PTPRR: variants seen among roughly 807,000 people sequenced by gnomAD.
PTPRR encodes the protein protein tyrosine phosphatase receptor type R.
Under a neutral mutation model 77.2 loss-of-function variants are expected in PTPRR, and 38 were observed. The observed-to-expected ratio is 0.49, with a 90% confidence interval of 0.38 to 0.65. The LOEUF is 0.65. Among genes scored for constraint, PTPRR ranks in the 30% least tolerant of loss-of-function variants. The pLI, the probability that PTPRR is intolerant of heterozygous loss-of-function variation, is 0.00. For synonymous variants in PTPRR, 299 were observed against 283.1 expected (o/e 1.06, Z -0.57); for missense variants, 744 against 799.2 (o/e 0.93, Z 0.83).
intron 2 of PTPRR, among the ~76,000 whole-genome samples, chr12:70,792,362 C>T (rs1430180960): frequency 6.6e-6 from 1 of 151,982 alleles, no homozygotes; most frequent in Non-Finnish European, 1.5e-5. Context: ...GCCTTCTTAC[C>T]CCATATTTAA....
At chr12:70,917,926 T>C (rs1260338193) in intron 1 of PTPRR, among the ~76,000 whole-genome samples, 1 of 152,168 alleles carries the variant, frequency 6.6e-6, no homozygotes, top group Non-Finnish European at 1.5e-5. Context: ...CCAAAATGGA[T>C]CAATTAGCTT....
At chr12:70,899,305 A>G (rs1446543061) in intron 1 of PTPRR, among the ~76,000 whole-genome samples, 1 of 151,406 alleles carries the variant, frequency 6.6e-6, no homozygotes, top group Admixed American at 6.6e-5. Context: ...CATGAACACA[A>G]ATGTAAAAGT....
At chr12:70,725,076 C>T (rs1425833083) in intron 6 of PTPRR, among the ~76,000 whole-genome samples, 1 of 151,904 alleles carries the variant, frequency 6.6e-6, no homozygotes, top group African/African-American at 2.4e-5. Context: ...TTGAGTGCAC[C>T]CTGCCCCGGT....
chr12:70,857,422 G>A (rs865829375), intron 2 of PTPRR, among the ~76,000 whole-genome samples: 6 of 152,178 alleles, frequency 3.9e-5, no homozygotes, highest in African/African-American at 1.4e-4. Context: ...AATCCATACT[G>A]TAGTGGATTA....
intron 10 of PTPRR, chr12:70,671,944 G>T (rs1887242308): frequency 1.9e-6 from 2 of 1,052,722 alleles, no homozygotes; most frequent in East Asian, 2.4e-5. Flanking sequence ...GAAGAAGGTT[G>T]CTCACAGCTC....
intron 2 of PTPRR, among the ~76,000 whole-genome samples, chr12:70,886,362 C>T (rs909404282): frequency 6.6e-6 from 1 of 152,104 alleles, no homozygotes; most frequent in African/African-American, 2.4e-5. Context: ...TAATAGGAAG[C>T]ATTAACATTA....
At chr12:70,816,495 AC>A (rs775338234) in intron 2 of PTPRR, among the ~76,000 whole-genome samples, 10 of 152,134 alleles carry the variant, frequency 6.6e-5, no homozygotes, top group Non-Finnish European at 8.8e-5. Flanking sequence ...GTGAAAAAAA[AC>A]ATTCAAAATT....
At chr12:70,903,341 A>G (rs1333740332) in intron 1 of PTPRR, among the ~76,000 whole-genome samples, 1 of 151,874 alleles carries the variant, frequency 6.6e-6, no homozygotes, top group African/African-American at 2.4e-5. Context: ...ATCTATATAA[A>G]AACATCACAT....
chr12:70,764,491 C>T (rs954290756), intron 3 of PTPRR, among the ~76,000 whole-genome samples, 174 bp downstream of exon 3: 7 of 152,148 alleles, frequency 4.6e-5, no homozygotes, highest in African/African-American at 1.7e-4. Context: ...CAAAAGGCAT[C>T]ATGGGCAATG....
chr12:70,888,422 C>T (rs1006913548), intron 2 of PTPRR, among the ~76,000 whole-genome samples: 3 of 152,248 alleles, frequency 2.0e-5, no homozygotes, highest in African/African-American at 7.2e-5. Context: ...TCTATGATTT[C>T]TACTTTTCCA....
At chr12:70,769,857 A>C (rs951432890) in intron 2 of PTPRR, among the ~76,000 whole-genome samples, 1 of 152,094 alleles carries the variant, frequency 6.6e-6, no homozygotes, top group Admixed American at 6.5e-5. Flanking sequence ...ATAACGCCGC[A>C]TATCTACAAC....
chr12:70,821,477 G>A (rs528950811), intron 2 of PTPRR, among the ~76,000 whole-genome samples: 63 of 151,534 alleles, frequency 4.2e-4, no homozygotes, highest in Admixed American at 2.5e-3. Context: ...TGCCCACTCC[G>A]GCCTCTCAAA....
chr12:70,683,395 AT>A (rs966627741), intron 10 of PTPRR, among the ~76,000 whole-genome samples: 3 of 152,330 alleles, frequency 2.0e-5, no homozygotes, highest in Admixed American at 2.0e-4. Flanking sequence ...TGCAAGCTAA[AT>A]CCTTAGAAAA....
chr12:70,871,694 T>C (rs925399260), intron 2 of PTPRR, among the ~76,000 whole-genome samples: 1 of 152,196 alleles, frequency 6.6e-6, no homozygotes, highest in African/African-American at 2.4e-5. Flanking sequence ...TACCATCACA[T>C]GATACTCCAG....
intron 6 of PTPRR, among the ~76,000 whole-genome samples, chr12:70,738,280 AG>A (rs1300692668): frequency 2.0e-5 from 3 of 152,188 alleles, no homozygotes; most frequent in African/African-American, 7.2e-5. Context: ...GCTGAAGAAA[AG>A]TTAGTGAATG....
At chr12:70,684,670 G>A (rs1887793870) in intron 9 of PTPRR, 34 bp downstream of exon 9, 3 of 1,393,102 alleles carry the variant, frequency 2.2e-6, no homozygotes, top group South Asian at 1.3e-5. Flanking sequence ...CAAATAGGAA[G>A]TCACCAGAAA....
At chr12:70,653,755 A>G (rs1343373975) in intron 13 of PTPRR, among the ~76,000 whole-genome samples, 2 of 152,204 alleles carry the variant, frequency 1.3e-5, no homozygotes, top group African/African-American at 4.8e-5. Context: ...CCAAATGAGA[A>G]AACTGAGGCA....
chr12:70,916,260 A>C (rs998416421), intron 1 of PTPRR, among the ~76,000 whole-genome samples: 3 of 152,186 alleles, frequency 2.0e-5, no homozygotes, highest in Non-Finnish European at 4.4e-5. Context: ...TGGAGAAAGA[A>C]AAAAGCAAAA....
intron 13 of PTPRR, among the ~76,000 whole-genome samples, chr12:70,654,647 C>T (rs1886513233): frequency 2.0e-5 from 3 of 152,214 alleles, no homozygotes; most frequent in African/African-American, 7.2e-5. Flanking sequence ...TATTACTTCA[C>T]AGCATTTATT....
Sources: allele counts gnomAD v4.1 joint callset (sites outside exome capture counted in the v4.1 genomes callset), GRCh38; gene constraint gnomAD v4.1.1; transcripts MANE v1.5; gene names NCBI Gene and HGNC (gene_info 2026-07-23, HGNC 2026-07-21).